Variants in RALYL observed in about 807,000 individuals in gnomAD.
RALYL encodes the protein RALY RNA binding protein like.
Under a neutral mutation model 35.1 loss-of-function variants are expected in RALYL, and 29 were observed. The ratio of observed to expected loss-of-function variants is 0.83; its 90% CI spans 0.61 to 1.13. The LOEUF (loss-of-function observed/expected upper bound fraction) is 1.13, where lower values mean the gene tolerates loss of function less well. Ranked by LOEUF, RALYL falls within the 50% of genes most tolerant of loss-of-function variation. The pLI is 0.00. For synonymous variants in RALYL, 120 were observed against 127.6 expected (o/e 0.94, Z 0.40); for missense variants, 359 against 360.4 (o/e 1.00, Z 0.03).
At chr8:84,838,568 ATTTTAT>A (rs2134515944) in intron 4 of RALYL, among the ~76,000 whole-genome samples, 1 of 152,356 alleles carries the variant, frequency 6.6e-6, no homozygotes, top group Non-Finnish European at 1.5e-5. Context: ...TGTGCATTTC[ATTTTAT>A]TTTTAACTTT....
intron 6 of RALYL, among the ~76,000 whole-genome samples, chr8:84,870,131 T>G (rs1280662854): frequency 2.6e-5 from 4 of 152,192 alleles, no homozygotes; most frequent in African/African-American, 9.6e-5. Context: ...ATTTTTTTAA[T>G]TTATCATTTT....
intron 2 of RALYL, among the ~76,000 whole-genome samples, chr8:84,550,639 G>C (rs1052066251): frequency 6.6e-6 from 1 of 151,380 alleles, no homozygotes; most frequent in African/African-American, 2.4e-5. Context: ...AAGAGCAAAA[G>C]TAGGCTTATA....
chr8:84,269,830 A>G (rs1451409609), intron 1 of RALYL, among the ~76,000 whole-genome samples: 1 of 152,106 alleles, frequency 6.6e-6, no homozygotes, highest in Non-Finnish European at 1.5e-5. Context: ...ATTATTAGAA[A>G]ATGTATTTAA....
At chr8:84,205,548 A>G (rs1817865177) in intron 1 of RALYL, among the ~76,000 whole-genome samples, 1 of 152,178 alleles carries the variant, frequency 6.6e-6, no homozygotes, top group African/African-American at 2.4e-5. Context: ...CGGAAGTTTT[A>G]TCTTTTCAAT....
intron 1 of RALYL, among the ~76,000 whole-genome samples, chr8:84,434,921 C>CTATT (rs902295391): frequency 2.6e-5 from 4 of 152,082 alleles, no homozygotes; most frequent in African/African-American, 9.7e-5. Context: ...ATAGTAATCC[C>CTATT]TATTATTTCA....
chr8:84,862,945 T>C (rs574240868), intron 6 of RALYL, among the ~76,000 whole-genome samples: 3 of 152,344 alleles, frequency 2.0e-5, no homozygotes, highest in East Asian at 1.9e-4. Flanking sequence ...TATCTGAAGA[T>C]ATATTTAATG....
chr8:84,867,141 C>T (rs1229563243), intron 6 of RALYL, among the ~76,000 whole-genome samples: 1 of 152,158 alleles, frequency 6.6e-6, no homozygotes, highest in Non-Finnish European at 1.5e-5. Flanking sequence ...ACCATCTTCT[C>T]CCCATGTCTT....
chr8:84,458,183 C>G (rs908212263), intron 1 of RALYL, among the ~76,000 whole-genome samples: 2 of 151,802 alleles, frequency 1.3e-5, no homozygotes, highest in African/African-American at 4.8e-5. Flanking sequence ...TTCATCTGTA[C>G]TTTGCTCTAA....
intron 4 of RALYL, among the ~76,000 whole-genome samples, chr8:84,838,624 C>G (rs1832523874): frequency 6.6e-6 from 1 of 152,100 alleles, no homozygotes; most frequent in South Asian, 2.1e-4. Context: ...GCAGTGGAAC[C>G]TGAGAATCAA....
At chr8:84,417,808 A>G (rs2044897835) in intron 1 of RALYL, among the ~76,000 whole-genome samples, 1 of 151,776 alleles carries the variant, frequency 6.6e-6, no homozygotes, top group African/African-American at 2.4e-5. Flanking sequence ...ATTCCAGAAA[A>G]CTCCTAGCAC....
chr8:84,553,796 A>T (rs1337712168), intron 2 of RALYL, among the ~76,000 whole-genome samples: 1 of 152,166 alleles, frequency 6.6e-6, no homozygotes, highest in Middle Eastern at 3.4e-3. Context: ...AAATTAATGT[A>T]TTTTGCCTAT....
chr8:84,442,426 G>A (rs1031312239), intron 1 of RALYL, among the ~76,000 whole-genome samples: 1 of 152,008 alleles, frequency 6.6e-6, no homozygotes, highest in African/African-American at 2.4e-5. Context: ...TTTATTGTCT[G>A]TTCTTTTTCT....
chr8:84,436,775 A>T (rs1390043122), intron 1 of RALYL, among the ~76,000 whole-genome samples: 3 of 151,458 alleles, frequency 2.0e-5, no homozygotes, highest in Admixed American at 6.6e-5. Context: ...AAACATATCC[A>T]TGACTCTCAA....
chr8:84,818,283 A>G (rs1827806596), intron 4 of RALYL, among the ~76,000 whole-genome samples: 2 of 152,232 alleles, frequency 1.3e-5, no homozygotes, highest in South Asian at 4.1e-4. Flanking sequence ...GATGGTTGGT[A>G]GCAGAACACA....
intron 1 of RALYL, among the ~76,000 whole-genome samples, chr8:84,440,400 C>G (rs996730188): frequency 6.6e-6 from 1 of 151,994 alleles, no homozygotes; most frequent in Non-Finnish European, 1.5e-5. Flanking sequence ...ACTTCAGTGG[C>G]TTCTGCAAAA....
At chr8:84,602,757 C>G (rs1470274887) in intron 2 of RALYL, among the ~76,000 whole-genome samples, 1 of 152,122 alleles carries the variant, frequency 6.6e-6, no homozygotes, top group Non-Finnish European at 1.5e-5. Context: ...ACTGCTGGGG[C>G]TACAGACTTT....
intron 2 of RALYL, among the ~76,000 whole-genome samples, chr8:84,619,999 C>T (rs1385515243): frequency 3.3e-5 from 5 of 151,936 alleles, no homozygotes; most frequent in Admixed American, 1.3e-4. Context: ...GAGGGTAACC[C>T]GACCTTTCTC....
At chr8:84,631,883 T>A (rs1370734767) in intron 2 of RALYL, among the ~76,000 whole-genome samples, 1 of 152,016 alleles carries the variant, frequency 6.6e-6, no homozygotes, top group Non-Finnish European at 1.5e-5. Context: ...GAAGACATTT[T>A]ATTAATCTAA....
intron 1 of RALYL, among the ~76,000 whole-genome samples, chr8:84,238,332 A>G (rs1586447628): frequency 6.6e-6 from 1 of 152,242 alleles, no homozygotes; most frequent in East Asian, 1.9e-4. Context: ...TTTTCATTGC[A>G]TGATATCTGT....
Sources: allele counts gnomAD v4.1 joint callset (sites outside exome capture counted in the v4.1 genomes callset), GRCh38; gene constraint gnomAD v4.1.1; transcripts MANE v1.5; gene names NCBI Gene and HGNC (gene_info 2026-07-23, HGNC 2026-07-21).